The following PRKN variants were observed in gnomAD, a reference collection of about 807,000 sequenced individuals.
PRKN encodes E3 ubiquitin-protein ligase parkin.
In PRKN, 56 loss-of-function variants were observed where a neutral mutation model predicts 59.5. The ratio of observed to expected loss-of-function variants is 0.94; its 90% confidence interval spans 0.76 to 1.18. The LOEUF is 1.18. Ranked by LOEUF, PRKN falls within the 50% of genes most tolerant of loss-of-function variation. The pLI is 0.00. For synonymous variants in PRKN, 250 were observed against 222.1 expected (o/e 1.13, Z -1.12); for missense variants, 657 against 596.4 (o/e 1.10, Z -1.06).
intron 2 of PRKN, chr6:162,271,294 T>G (rs1780378778): frequency 6.6e-6 from 1 of 151,950 alleles, no homozygotes; most frequent in Non-Finnish European, 1.5e-5. Flanking sequence ...TCCCAGCACT[T>G]TGGGAGGTCA....
intron 4 of PRKN, among the ~76,000 whole-genome samples, chr6:162,189,770 T>C (rs1046275596): frequency 1.3e-5 from 2 of 152,168 alleles, no homozygotes; most frequent in Middle Eastern, 3.4e-3. Flanking sequence ...TATTGGTTTA[T>C]ACTGACCTTT....
rs1414730933 is a variant in PRKN, at chr6:161,400,399, C to T, written c.1084-13522G>A. On this transcript the variant is annotated intron_variant, in intron 9 of 11. Coordinates refer to ENST00000366898, the MANE Select transcript of PRKN (RefSeq NM_004562.3). The surrounding 1 kb of genome is among the most constrained non-coding windows in gnomAD (Gnocchi z 4.2). ...CTCCGCTCACTGCAACCTGTACCTC[C>T]CAGGTTCAAGCAATTCTCCTGCCTC... Among the ~76,000 whole-genome samples the T allele has an allele frequency of 6.6e-6, 1 of 151,870 alleles. No homozygotes were observed. The highest frequency in any genetic ancestry group is 2.4e-5 in the African/African-American group (1 of 41,312).
chr6:162,025,978 T>C (rs1211710799), intron 5 of PRKN, among the ~76,000 whole-genome samples: 2 of 152,242 alleles, frequency 1.3e-5, no homozygotes, highest in Non-Finnish European at 1.5e-5. Context: ...TGCAAACCAC[T>C]ATTGCAGTCA....
At position 161,405,299 on chromosome 6, in the gene PRKN, T is replaced by C. The variant is rs1472753071; in HGVS notation, c.1084-18422A>G. On this transcript the variant is annotated intron_variant, in intron 9 of 11. Transcript: ENST00000366898. This position sits in a 1 kb window ranked among gnomAD's most constrained non-coding sequence, Gnocchi z 5.1. ...ATTGCTGTTTAAAAGTGGGTCTGAC[T>C]GGGCATGGTGGCTCATGCCTGTAAT... Among the ~76,000 whole-genome samples the C allele has an allele frequency of 5.3e-5, 8 of 152,154 alleles. No homozygotes were observed. The highest frequency in any genetic ancestry group is 5.2e-4 in the Admixed American group (8 of 15,256).
At chr6:162,582,889 A>G (rs1780844179) in intron 1 of PRKN, among the ~76,000 whole-genome samples, 1 of 152,218 alleles carries the variant, frequency 6.6e-6, no homozygotes, top group Non-Finnish European at 1.5e-5. Flanking sequence ...GACAGTGTTT[A>G]TGAAAATGTG....
intron 6 of PRKN, among the ~76,000 whole-genome samples, chr6:161,965,998 G>C (rs1780564501): frequency 6.6e-6 from 1 of 152,106 alleles, no homozygotes; most frequent in East Asian, 1.9e-4. Flanking sequence ...ATCTAGCTAT[G>C]TTATCTAGAT....
chr6:161,905,563 C>T (rs1350643860), intron 6 of PRKN, among the ~76,000 whole-genome samples: 1 of 152,124 alleles, frequency 6.6e-6, no homozygotes, highest in Non-Finnish European at 1.5e-5. Flanking sequence ...TCTAAGTTGA[C>T]TCCTTCCTTT....
intron 6 of PRKN, among the ~76,000 whole-genome samples, chr6:161,874,162 A>ATTATATG (rs1794503700): frequency 5.3e-5 from 2 of 37,644 alleles, no homozygotes; most frequent in East Asian, 1.5e-3. Context: ...TATATTATAT[A>ATTATATG]TAATATATAA....
In PRKN at chr6:161,481,056, T is replaced by A. The variant is rs571177079; in HGVS notation, c.1083+67798A>T. On this transcript the variant is annotated intron_variant, in intron 9 of 11. Coordinates refer to ENST00000366898, the MANE Select transcript of PRKN (RefSeq NM_004562.3). ...AAGTGGGCAGGCACTGCCCCTGACT[T>A]CAGATGCCACAAAGAACATTGGCAT... 8.4e-4 allele frequency among the ~76,000 whole-genome samples: 128 copies of A among 152,338 alleles called. 1 individual carries two copies. Among genetic ancestry groups the A allele is most frequent in the African/African-American group, 2.9e-3 (122 of 41,582 alleles).
At chr6:161,744,538 C>A (rs1007268257) in intron 7 of PRKN, among the ~76,000 whole-genome samples, 2 of 152,082 alleles carry the variant, frequency 1.3e-5, no homozygotes, top group Non-Finnish European at 2.9e-5. Context: ...GAGATCCCTG[C>A]CCTAGAGACT....
intron 2 of PRKN, among the ~76,000 whole-genome samples, chr6:162,386,016 C>T (rs879867559): frequency 1.3e-5 from 2 of 151,922 alleles, no homozygotes; most frequent in Admixed American, 6.6e-5. Flanking sequence ...ATGACTAACC[C>T]GCCAATTGTA....
At chr6:161,858,942 A>G (rs1388618235) in intron 6 of PRKN, among the ~76,000 whole-genome samples, 3 of 107,958 alleles carry the variant, frequency 2.8e-5, no homozygotes, top group African/African-American at 9.9e-5. Context: ...GCTCACTGCA[A>G]CCTCCGTCTC....
intron 1 of PRKN, among the ~76,000 whole-genome samples, chr6:162,685,036 C>T (rs993535597): frequency 5.9e-5 from 9 of 152,124 alleles, no homozygotes; most frequent in Non-Finnish European, 8.8e-5. Context: ...AAGTCTGCAG[C>T]AGGACTGGAC....
rs933463990 is a variant in PRKN at position 161,560,394 on chromosome 6, C to G, written c.933+8961G>C. Among the ~76,000 whole-genome samples the G allele has an allele frequency of 7.2e-5, 11 of 152,156 alleles. No individual in the cohort carries two copies. The highest frequency in any genetic ancestry group is 7.2e-4 in the Admixed American group (11 of 15,270). ...CGCCCCCAAATGCTTGGGTTCCTCT[C>G]CCTTGCAAAACCCACCACTCCTTTG... On this transcript the variant is annotated intron_variant, in intron 8 of 11. Coordinates refer to ENST00000366898, the MANE Select transcript of PRKN (RefSeq NM_004562.3). This position sits in a 1 kb window ranked among gnomAD's most constrained non-coding sequence, Gnocchi z 4.9.
At chr6:162,563,191 C>G (rs1296137704) in intron 1 of PRKN, among the ~76,000 whole-genome samples, 1 of 152,030 alleles carries the variant, frequency 6.6e-6, no homozygotes, top group East Asian at 1.9e-4. Flanking sequence ...GTAGTCCCAG[C>G]TACTCGGGAG....
intron 6 of PRKN, among the ~76,000 whole-genome samples, chr6:161,897,526 A>G (rs1264849942): frequency 2.6e-5 from 4 of 152,200 alleles, no homozygotes; most frequent in Non-Finnish European, 4.4e-5. Flanking sequence ...GATTGATTAG[A>G]CTGCTTACCA....
intron 9 of PRKN, among the ~76,000 whole-genome samples, chr6:161,439,228 T>C (rs1789072813): frequency 6.6e-6 from 1 of 152,138 alleles, no homozygotes. Context: ...GACTCATTAG[T>C]CCCGGGCTCA....
intron 6 of PRKN, among the ~76,000 whole-genome samples, chr6:161,922,574 A>C (rs1043569863): frequency 3.9e-5 from 6 of 152,168 alleles, no homozygotes; most frequent in Non-Finnish European, 7.3e-5. Context: ...GAATTTCATA[A>C]ATTATTTGTG....
At chr6:161,837,986 G>T (rs1792832751) in intron 6 of PRKN, among the ~76,000 whole-genome samples, 1 of 152,156 alleles carries the variant, frequency 6.6e-6, no homozygotes, top group African/African-American at 2.4e-5. Context: ...GAGAAGAAAA[G>T]GTCTGCATGT....
Sources: allele counts gnomAD v4.1 joint callset (sites outside exome capture counted in the v4.1 genomes callset), GRCh38; gene constraint gnomAD v4.1.1; non-coding constraint Gnocchi (gnomAD v3.1); transcripts MANE v1.5; gene names NCBI Gene and HGNC (gene_info 2026-07-23, HGNC 2026-07-21).